The following RUVBL1 variants were observed in gnomAD, a reference collection of about 807,000 sequenced individuals.
The protein encoded by RUVBL1 is RuvB like AAA ATPase 1, also known as ruvB-like 1.
RUVBL1 carries 4 observed loss-of-function variants against 52.4 expected under a neutral mutation model. That is an observed-to-expected ratio of 0.08 (90% CI 0.04 to 0.17). RUVBL1 has a LOEUF of 0.17. Ranked by LOEUF, RUVBL1 falls within the 10% of genes least tolerant of loss-of-function variation. The pLI is 1.00. For synonymous variants in RUVBL1, 217 were observed against 214.4 expected (o/e 1.01, Z -0.10); for missense variants, 298 against 572.8 (o/e 0.52, Z 4.90).
At chr3:128,094,029 GA>G (rs1426456247) in intron 8 of RUVBL1, among the ~76,000 whole-genome samples, 1 of 152,172 alleles carries the variant, frequency 6.6e-6, no homozygotes, top group Non-Finnish European at 1.5e-5. Context: ...GCAGGGGCAT[GA>G]AATCAGCTTC....
chr3:128,122,080 T>TAGGAATAGAGCATGCACTC (rs1438379237), intron 1 of RUVBL1, among the ~76,000 whole-genome samples: 3 of 149,052 alleles, frequency 2.0e-5, no homozygotes, highest in African/African-American at 7.7e-5. Context: ...AGCATGCACT[T>TAGGAATAGAGCATGCACTC]AGGCATAGAG....
At chr3:128,066,261 G>T (rs1054101918) in intron 9 of RUVBL1, among the ~76,000 whole-genome samples, 2 of 152,138 alleles carry the variant, frequency 1.3e-5, no homozygotes. Context: ...CAGTGTAAAA[G>T]CTTAGGAAAC....
At chr3:128,152,474 C>T (rs531882352) in intron 1 of RUVBL1, among the ~76,000 whole-genome samples, 1 of 152,302 alleles carries the variant, frequency 6.6e-6, no homozygotes, top group East Asian at 1.9e-4. Context: ...CCCTCTCCTG[C>T]TCCTTTTTAT....
rs1943386110 is a variant in RUVBL1 at position 128,111,219 on chromosome 3, C to CT, written c.361+1668_361+1669insA. On this transcript the variant is annotated intron_variant, in intron 3 of 10. Coordinates refer to ENST00000322623, the MANE Select transcript of RUVBL1 (RefSeq NM_003707.3). ...CAGCCTGGCGACAGAGACTCTCTCT[C>CT]AAAAAAAAAAAAAAAAAGGCTTCTG... 7.0e-5 allele frequency among the ~76,000 whole-genome samples: 9 copies of CT among 128,614 alleles called. No individual in the cohort carries two copies. In the East Asian group the frequency reaches 7.0e-4, roughly 10 times the overall value. The allele number at this position is 128,614 out of a possible 152,430, so 84.4% of individuals were successfully genotyped here.
chr3:128,067,157 T>G lies in RUVBL1; in HGVS notation c.940-1937A>C. 1 of 1,613,840 alleles carries G rather than the reference T, an allele frequency of 6.2e-7. No individual in the cohort carries two copies. The highest frequency in any genetic ancestry group is 8.5e-7 in the Non-Finnish European group (1 of 1,179,718). On this transcript the variant is annotated intron_variant, in intron 9 of 9. Coordinates refer to the RUVBL1 transcript ENST00000464873. This position sits in a 1 kb window ranked among gnomAD's most constrained non-coding sequence, Gnocchi z 4.1. ...GCCTGCTGGGCACCTGGTCGGTAAGTAGGCTCTTTGAAGATGAGCTAGCAA... is the reference window on the plus strand; with the variant it reads ...GCCTGCTGGGCACCTGGTCGGTAAGGAGGCTCTTTGAAGATGAGCTAGCAA...
At chr3:128,135,465 G>A (rs771126511) in intron 1 of RUVBL1, among the ~76,000 whole-genome samples, 3 of 152,158 alleles carry the variant, frequency 2.0e-5, no homozygotes, top group Non-Finnish European at 2.9e-5. Context: ...CCCAGGAGGC[G>A]GAAGTTGTAG....
chr3:128,139,363 C>A (rs576000946), intron 1 of RUVBL1, among the ~76,000 whole-genome samples: 30 of 152,142 alleles, frequency 2.0e-4, no homozygotes, highest in African/African-American at 7.2e-4. Context: ...ATCTAATAAT[C>A]CAATTTAGAA....
At chr3:128,069,116 G>C (rs1311008064) in intron 9 of RUVBL1, among the ~76,000 whole-genome samples, 1 of 152,078 alleles carries the variant, frequency 6.6e-6, no homozygotes, top group East Asian at 1.9e-4. Context: ...AAAGAAACAG[G>C]TGAAATTAAA....
At chr3:128,093,194 C>T (rs13091198) in intron 8 of RUVBL1, among the ~76,000 whole-genome samples, 21,106 of 152,154 alleles carry the variant, frequency 0.14, 1,634 homozygotes, top group African/African-American at 0.2. Flanking sequence ...ATAAGTACTA[C>T]GCATGCTACA....
chr3:128,138,182 C>A (rs1365736698), intron 1 of RUVBL1, among the ~76,000 whole-genome samples: 2 of 152,014 alleles, frequency 1.3e-5, no homozygotes, highest in Non-Finnish European at 2.9e-5. Context: ...TACTGGAAGT[C>A]CTAGCTAGAG....
chr3:128,106,515 C>G (rs1943243608), intron 3 of RUVBL1, among the ~76,000 whole-genome samples: 1 of 152,088 alleles, frequency 6.6e-6, no homozygotes, highest in Non-Finnish European at 1.5e-5. Flanking sequence ...CCATGGTGAC[C>G]TGTGTTTCCA....
intron 2 of RUVBL1, among the ~76,000 whole-genome samples, chr3:128,114,868 C>T (rs1320700103): frequency 6.6e-6 from 1 of 152,132 alleles, no homozygotes; most frequent in Non-Finnish European, 1.5e-5. Context: ...TTCCTTGTAT[C>T]TCTGCCAGCC....
chr3:128,123,733 C>A lies in RUVBL1; in HGVS notation c.-9G>T, dbSNP rs745363572. ...ACCTCCTCAATCTTCATTTTGCAGA[C>A]GCCGGGAGCTAAAACCAGCGTGGAA... On this transcript the variant is annotated 5_prime_UTR_variant, in exon 1 of 11. Coordinates refer to ENST00000322623, the MANE Select transcript of RUVBL1 (RefSeq NM_003707.3). 1.3e-6 allele frequency: 2 copies of A among 1,594,488 alleles called. No homozygotes were observed. The highest frequency in any genetic ancestry group is 2.7e-5 in the African/African-American group (2 of 74,616).
intron 9 of RUVBL1, chr3:128,068,618 GA>G (rs1222698833): frequency 6.5e-6 from 1 of 153,880 alleles, no homozygotes; most frequent in African/African-American, 2.4e-5. Context: ...TAGAGAGGGA[GA>G]GGGGGAGGCC....
chr3:128,074,365 C>CCTAAT (rs948389006), intron 9 of RUVBL1, among the ~76,000 whole-genome samples: 1 of 141,262 alleles, frequency 7.1e-6, no homozygotes, highest in Non-Finnish European at 1.6e-5. Context: ...AGCAGGAAAA[C>CCTAAT]CTAATCTATT....
chr3:128,153,009 T>C lies in RUVBL1; in HGVS notation c.-40+194A>G, dbSNP rs1171038522. On this transcript the variant is annotated intron_variant, in intron 1 of 9. Transcript: ENST00000464873. ...GCCCACCCCGCCCCCCCCGCCCCCC[T>C]TCGCCCCCCCATGTTCCGTTTTTGT... is the stretch of plus-strand genomic sequence containing the variant. 6.3e-5 allele frequency among the ~76,000 whole-genome samples: 3 copies of C among 47,832 alleles called. No homozygotes were observed. In the South Asian group the frequency reaches 3.3e-3, roughly 53 times the overall value. The allele number at this position is 47,832 out of a possible 152,430, so 31.4% of individuals were successfully genotyped here.
intron 3 of RUVBL1, among the ~76,000 whole-genome samples, chr3:128,105,649 G>A (rs1333641986): frequency 6.6e-6 from 1 of 151,976 alleles, no homozygotes; most frequent in Non-Finnish European, 1.5e-5. Flanking sequence ...TAAAACCAGT[G>A]GAATAACTCA....
At chr3:128,094,048 G>C in intron 8 of RUVBL1, among the ~76,000 whole-genome samples, 1 of 152,154 alleles carries the variant, frequency 6.6e-6, no homozygotes, top group African/African-American at 2.4e-5. Flanking sequence ...TTCCAAGAGG[G>C]CAATACTCTA....
chr3:128,082,713 C>T lies in RUVBL1; in HGVS notation c.1120-139G>A. ...GAGACCTGGGTTGGTGGGCAGGGAG[C>T]CAACGCCTGCCCAGCACTGCCGGCC... On this transcript the variant is annotated intron_variant, in intron 9 of 10. Transcript: ENST00000322623. The surrounding 1 kb of genome is among the most constrained non-coding windows in gnomAD (Gnocchi z 4.7). 1.5e-6 allele frequency: 1 copy of T among 679,540 alleles called. No homozygotes were observed. Among genetic ancestry groups the T allele is most frequent in the Non-Finnish European group, 2.4e-6 (1 of 409,120 alleles). The allele number at this position is 679,540 out of a possible 1,614,324, so 42.1% of individuals were successfully genotyped here.
Sources: gnomAD v4.1 joint callset for allele counts (sites outside exome capture counted in the v4.1 genomes callset) on GRCh38, gnomAD v4.1.1 for gene constraint, Gnocchi (gnomAD v3.1) non-coding constraint, MANE v1.5 for transcripts, NCBI Gene and HGNC (gene_info 2026-07-23, HGNC 2026-07-21) for gene names.